The following CHORDC1 variants were observed in gnomAD, a reference collection of about 807,000 sequenced individuals.
CHORDC1 encodes cysteine and histidine rich domain containing 1.
Under a neutral mutation model 48.3 loss-of-function variants are expected in CHORDC1, and 25 were observed. The ratio of observed to expected loss-of-function variants is 0.52; its 90% CI spans 0.38 to 0.72. CHORDC1 has a LOEUF of 0.72. CHORDC1 is among the 30% of genes least tolerant of loss of function. The probability of loss-of-function intolerance (pLI) is 0.00; values close to 1 mark genes in which losing one functional copy is unlikely to be tolerated. For missense variants in CHORDC1, 317 were observed against 388.7 expected (o/e 0.82, Z 1.55); for synonymous variants, 128 against 126.4 (o/e 1.01, Z -0.09).
intron 3 of CHORDC1, 48 bp downstream of exon 3, chr11:90,215,126 A>T (rs1371887414): frequency 2.7e-6 from 3 of 1,094,602 alleles, no homozygotes; most frequent in Non-Finnish European, 3.9e-6. Flanking sequence ...AGCTTTCTAT[A>T]ACATGTATTT....
At chr11:90,218,643 T>A (rs1281427745) in intron 1 of CHORDC1, among the ~76,000 whole-genome samples, 1 of 152,192 alleles carries the variant, frequency 6.6e-6, no homozygotes, top group African/African-American at 2.4e-5. Flanking sequence ...CTGTAAAGAT[T>A]TTTTGCAGTA....
chr11:90,203,359 A>G lies in CHORDC1; in HGVS notation c.738T>C (p.Tyr246=), dbSNP rs777466655. Residue 246 remains tyrosine, a synonymous_variant, in exon 9 of 11, where the codon TAT becomes TAC. Coordinates refer to ENST00000320585, the MANE Select transcript of CHORDC1 (RefSeq NM_012124.3). The part of the protein sequence containing the change: ...QTGGEVTISV[Y]AKNSLPELSR... ...TAAGTTCTGGAAGTGAGTTTTTAGC[A>G]TATACTGAAATGGTAACTTCACCTC... is the stretch of plus-strand genomic sequence containing the variant. 1.2e-5 allele frequency: 19 copies of G among 1,600,986 alleles called. 1 individual carries two copies. The South Asian group carries it at 1.7e-4, about 14-fold the overall frequency.
In CHORDC1 at chr11:90,215,218, A is replaced by AG. The variant is rs1346583990; in HGVS notation, c.126dup (p.Cys43LeufsTer2). On this transcript the variant is annotated frameshift_variant, in exon 3 of 11. Coordinates refer to ENST00000320585, the MANE Select transcript of CHORDC1 (RefSeq NM_012124.3). LOFTEE classifies it high-confidence loss of function. ...GAAAAATCAGTTGTTCTTCTCTTAC[A>AG]GCAAGACCAACCCTATGAAAAACAA... The AG allele has an allele frequency of 6.4e-7, 1 of 1,562,472 alleles. No individual in the cohort carries two copies. Among genetic ancestry groups the AG allele is most frequent in the Non-Finnish European group, 8.7e-7 (1 of 1,148,806 alleles).
In CHORDC1 at chr11:90,213,695, T is replaced by C. The variant is rs1857929595; in HGVS notation, c.329+323A>G. On this transcript the variant is annotated intron_variant, in intron 4 of 10. Transcript: ENST00000320585. The stretch of plus-strand genomic sequence containing the variant: ...CTCATGCCATGAAAAGGAAAACTGC[T>C]TCAAAGAATTTTACCATGCCACAGT... The C allele has an allele frequency of 6.5e-6, 3 of 458,106 alleles. No homozygotes were observed. The Admixed American group carries it at 1.2e-4, about 18-fold the overall frequency. 28.4% of individuals were successfully genotyped at this position (458,106 alleles called of 1,614,324 possible). A position where few individuals can be genotyped will look rare whatever the true frequency, so the allele number is the denominator to read the frequency against.
chr11:90,203,244 T>TA, intron 9 of CHORDC1, 64 bp downstream of exon 9: 1 of 1,413,556 alleles, frequency 7.1e-7, no homozygotes, highest in South Asian at 1.5e-5. Context: ...TACTTTAAAA[T>TA]ACAGTAACAT....
At chr11:90,220,526 T>C (rs1026053283) in intron 1 of CHORDC1, among the ~76,000 whole-genome samples, 5 of 152,090 alleles carry the variant, frequency 3.3e-5, no homozygotes, top group African/African-American at 1.2e-4. Flanking sequence ...ATAAACGCAA[T>C]GTATAACAGA....
At chr11:90,204,951 C>A (rs1229911393) in intron 8 of CHORDC1, among the ~76,000 whole-genome samples, 1 of 151,576 alleles carries the variant, frequency 6.6e-6, no homozygotes, top group Non-Finnish European at 1.5e-5. Flanking sequence ...CTTTTTTCCC[C>A]CCTTTTGATA....
At chr11:90,212,122 A>G (rs1857884529) in intron 4 of CHORDC1, 1 of 152,200 alleles carries the variant, frequency 6.6e-6, no homozygotes, top group Admixed American at 6.5e-5. Flanking sequence ...ATAATAAAAA[A>G]TATTAGTCGG....
At chr11:90,202,974 C>G (rs1390807730) in intron 9 of CHORDC1, 99 bp from the exon 10 acceptor site, 1 of 1,368,496 alleles carries the variant, frequency 7.3e-7, no homozygotes, top group African/African-American at 1.5e-5. Context: ...ATGAATTAAG[C>G]TATTTTAAGA....
At position 90,220,875 on chromosome 11, in the gene CHORDC1, G is replaced by A. The variant is rs146757318; in HGVS notation, c.64+2016C>T. 2.9e-3 allele frequency among the ~76,000 whole-genome samples: 435 copies of A among 151,862 alleles called. 4 individuals carry two copies. The highest frequency in any genetic ancestry group is 9.9e-3 in the African/African-American group (409 of 41,400). On this transcript the variant is annotated intron_variant, in intron 1 of 10. Coordinates refer to ENST00000320585, the MANE Select transcript of CHORDC1 (RefSeq NM_012124.3). ...TCCTTCAGTTTTCCTCGTATACGTCGATTAAAAAAAATACCGTTTGTGAAG... is the reference window on the plus strand; with the variant it reads ...TCCTTCAGTTTTCCTCGTATACGTCAATTAAAAAAAATACCGTTTGTGAAG...
chr11:90,210,349 AT>A (rs1482592447), intron 6 of CHORDC1, among the ~76,000 whole-genome samples, 186 bp downstream of exon 6: 1 of 147,382 alleles, frequency 6.8e-6, no homozygotes, highest in Non-Finnish European at 1.5e-5. Context: ...GGAATTACTT[AT>A]TTTCATTATT....
At chr11:90,206,311 T>A (rs1435530420) in intron 6 of CHORDC1, 39 bp from the exon 7 acceptor site, 1 of 1,110,572 alleles carries the variant, frequency 9.0e-7, no homozygotes, top group Non-Finnish European at 1.4e-6. Context: ...TAGCTGCGTA[T>A]CTTACAGTTA....
intron 1 of CHORDC1, 188 bp downstream of exon 1, chr11:90,222,703 A>G: frequency 1.4e-6 from 1 of 709,862 alleles, no homozygotes. Flanking sequence ...GGCGCTCGCC[A>G]AGGGAACGCG....
intron 4 of CHORDC1, chr11:90,213,258 A>G (rs1427499941): frequency 1.5e-5 from 8 of 550,548 alleles, no homozygotes; most frequent in Admixed American, 3.1e-5. Context: ...TTATTTAAGT[A>G]GGATCAAAGG....
chr11:90,202,612 A>G, intron 10 of CHORDC1, 61 bp from the exon 11 acceptor site: 1 of 1,560,836 alleles, frequency 6.4e-7, no homozygotes, highest in Non-Finnish European at 8.7e-7. Flanking sequence ...TCAGAGGAAA[A>G]CATCAGACTT....
chr11:90,214,499 T>C (rs1391811679), intron 3 of CHORDC1, among the ~76,000 whole-genome samples: 1 of 151,960 alleles, frequency 6.6e-6, no homozygotes, highest in Non-Finnish European at 1.5e-5. Flanking sequence ...GAAAAATCTG[T>C]TACTCGAAAG....
At chr11:90,203,627 A>G (rs1461442219) in intron 8 of CHORDC1, among the ~76,000 whole-genome samples, 200 bp from the exon 9 acceptor site, 1 of 152,188 alleles carries the variant, frequency 6.6e-6, no homozygotes, top group Non-Finnish European at 1.5e-5. Flanking sequence ...CATAAATTTT[A>G]TGATTTCAGA....
Position 90,203,333 on chromosome 11 carries a change from C to G in CHORDC1, c.764G>C (p.Ser255Thr), listed in dbSNP as rs1183969552. ...VYAKNSLPEL[S>T]RVEANSTLLN... ...CAATGTGCTATTTGCTTCTACTCGG[C>G]TAAGTTCTGGAAGTGAGTTTTTAGC... Residue 255 changes from serine (S) to threonine (T), a missense_variant, in exon 9 of 11, where the codon AGC becomes ACC. Transcript: ENST00000320585. 7 of 1,596,320 alleles carry G rather than the reference C, an allele frequency of 4.4e-6. No homozygotes were observed. The highest frequency in any genetic ancestry group is 1.3e-5 in the African/African-American group (1 of 74,732).
chr11:90,222,282 G>C (rs974179628), intron 1 of CHORDC1, among the ~76,000 whole-genome samples: 1 of 152,210 alleles, frequency 6.6e-6, no homozygotes, highest in Non-Finnish European at 1.5e-5. Flanking sequence ...AATGCCGCTA[G>C]TAATAAAAAG....
Sources: gnomAD v4.1 joint callset for allele counts (sites outside exome capture counted in the v4.1 genomes callset) on GRCh38, gnomAD v4.1.1 for gene constraint, MANE v1.5 for transcripts, NCBI Gene and HGNC (gene_info 2026-07-23, HGNC 2026-07-21) for gene names.